Variants in CHM observed in about 807,000 individuals in gnomAD.
The protein encoded by CHM is rab proteins geranylgeranyltransferase component A 1.
A neutral mutation model predicts 49.0 loss-of-function variants in CHM; 10 were observed. The observed-to-expected ratio is 0.20, with a 90% confidence interval of 0.13 to 0.35. CHM has a LOEUF of 0.35. Ranked by LOEUF, CHM falls within the 10% of genes least tolerant of loss-of-function variation. The pLI, the probability that CHM is intolerant of heterozygous loss-of-function variation, is 1.00. For missense variants in CHM, 455 were observed against 478.4 expected (o/e 0.95, Z 0.46); for synonymous variants, 184 against 167.5 (o/e 1.10, Z -0.76).
chrX:85,954,526 G>A (rs1422296869), intron 8 of CHM, among the ~76,000 whole-genome samples: 1 of 111,863 alleles, frequency 8.9e-6, no homozygotes, highest in Admixed American at 9.4e-5. Flanking sequence ...AGCAACCTAA[G>A]TGCCCAGCAA....
intron 4 of CHM, among the ~76,000 whole-genome samples, chrX:85,966,035 C>A (rs1039393968): frequency 1.8e-5 from 2 of 111,174 alleles, no homozygotes; most frequent in Non-Finnish European, 1.9e-5. Context: ...TTTATAAACT[C>A]TAAAAGGTTA....
chrX:85,916,600 G>GA (rs1927469465), intron 8 of CHM, among the ~76,000 whole-genome samples: 1 of 111,010 alleles, frequency 9.0e-6, no homozygotes, highest in African/African-American at 3.3e-5. Context: ...TAATTTAAAA[G>GA]AAAAAAATCA....
intron 1 of CHM, among the ~76,000 whole-genome samples, chrX:86,027,827 G>C (rs998307279): frequency 9.1e-6 from 1 of 110,369 alleles, no homozygotes; most frequent in African/African-American, 3.3e-5. Flanking sequence ...ACAGTGGCGC[G>C]ATCTCGGCTC....
chrX:86,047,335 C>T, intron 1 of CHM, 149 bp downstream of exon 1: 1 of 545,631 alleles, frequency 1.8e-6, no homozygotes. Flanking sequence ...TGCCAACTCC[C>T]GCGCTGACTC....
intron 11 of CHM, among the ~76,000 whole-genome samples, chrX:85,900,256 G>A (rs1456907234): frequency 1.8e-5 from 2 of 111,757 alleles, no homozygotes; most frequent in African/African-American, 6.5e-5. Flanking sequence ...AGTGAAAGAA[G>A]CCAGACACAA....
At chrX:86,030,563 T>G (rs1211879422) in intron 1 of CHM, among the ~76,000 whole-genome samples, 1 of 111,637 alleles carries the variant, frequency 9.0e-6, no homozygotes, top group Non-Finnish European at 1.9e-5. Flanking sequence ...ATACGTTTTT[T>G]GCAAGATAAT....
intron 2 of CHM, among the ~76,000 whole-genome samples, chrX:86,011,335 G>A (rs777591258): frequency 3.2e-4 from 36 of 111,531 alleles, no homozygotes; most frequent in Non-Finnish European, 5.7e-4. Context: ...GGTCCTGAAG[G>A]AGGAGAAAGA....
chrX:85,954,312 G>C (rs1263350800), intron 8 of CHM, among the ~76,000 whole-genome samples: 1 of 111,952 alleles, frequency 8.9e-6, no homozygotes, highest in Non-Finnish European at 1.9e-5. Flanking sequence ...GGGAACCCTT[G>C]AACACTGTGG....
intron 9 of CHM, among the ~76,000 whole-genome samples, chrX:85,907,213 T>C (rs1269069269): frequency 8.9e-6 from 1 of 112,147 alleles, no homozygotes; most frequent in Non-Finnish European, 1.9e-5. Flanking sequence ...AAAAATATAT[T>C]CCTGACATCA....
At chrX:85,873,987 C>A (rs768135517) in intron 13 of CHM, among the ~76,000 whole-genome samples, 7 of 111,015 alleles carry the variant, frequency 6.3e-5, no homozygotes, top group African/African-American at 9.8e-5. Flanking sequence ...GTCTTTTATG[C>A]GTGTTAGGCA....
chrX:86,005,693 C>A (rs1359238031), intron 2 of CHM, among the ~76,000 whole-genome samples: 1 of 111,709 alleles, frequency 9.0e-6, no homozygotes, highest in Non-Finnish European at 1.9e-5. Context: ...GACACATACA[C>A]TCTCTCAAGA....
intron 2 of CHM, among the ~76,000 whole-genome samples, chrX:85,988,595 A>G (rs1160306579): frequency 8.9e-6 from 1 of 111,872 alleles, no homozygotes; most frequent in Non-Finnish European, 1.9e-5. Flanking sequence ...TTCTATATCT[A>G]GAAAACCCCA....
chrX:85,952,239 T>C (rs949178735), intron 8 of CHM, among the ~76,000 whole-genome samples: 1 of 111,185 alleles, frequency 9.0e-6, no homozygotes, highest in Non-Finnish European at 1.9e-5. Flanking sequence ...CCTGGGCAGC[T>C]AAGGGAGTGC....
At chrX:85,991,277 A>G (rs1932175215) in intron 2 of CHM, among the ~76,000 whole-genome samples, 1 of 111,989 alleles carries the variant, frequency 8.9e-6, no homozygotes. Context: ...TGAGGACACT[A>G]TGACTTGTCT....
chrX:85,924,767 TC>T (rs1393710476), intron 8 of CHM, among the ~76,000 whole-genome samples: 1 of 111,701 alleles, frequency 9.0e-6, no homozygotes, highest in Non-Finnish European at 1.9e-5. Context: ...GATTTCCCAC[TC>T]AAGGAAAAGG....
chrX:85,993,457 T>C lies in CHM; in HGVS notation c.117-11648A>G, dbSNP rs185645439. Among the ~76,000 whole-genome samples the C allele has an allele frequency of 6.3e-3, 701 of 111,944 alleles. 4 individuals carry two copies. The highest frequency in any genetic ancestry group is 0.011 in the Non-Finnish European group (592 of 53,093). On this transcript the variant is annotated intron_variant, in intron 2 of 14. Coordinates refer to ENST00000357749, the MANE Select transcript of CHM (RefSeq NM_000390.4). ...TCAGGCCCTCACTCCCTCTTATCTATCTATTGCATTAGTCTTATCAAAGGT... is the reference window on the plus strand; with the variant it reads ...TCAGGCCCTCACTCCCTCTTATCTACCTATTGCATTAGTCTTATCAAAGGT...
chrX:86,026,102 C>CTTTT lies in CHM; in HGVS notation c.116+1385_116+1388dup, dbSNP rs1167691945. Among the ~76,000 whole-genome samples, 53 of 26,759 alleles carry CTTTT rather than the reference C, an allele frequency of 2.0e-3. 17 individuals are homozygous for CTTTT. The highest frequency in any genetic ancestry group is 2.6e-3 in the Non-Finnish European group (35 of 13,230). 23.2% of individuals were successfully genotyped at this position (26,759 alleles called of 115,157 possible). A position where few individuals can be genotyped will look rare whatever the true frequency, so the allele number is the denominator to read the frequency against. Reference sequence around the variant, plus strand: ...CTGGGCTTTCAAGGTAGCAGATTTTCTTTTTTTTTTTTTTTTTTTTTTTTT... The same window carrying CTTTT: ...CTGGGCTTTCAAGGTAGCAGATTTTCTTTTTTTTTTTTTTTTTTTTTTTTTTTTT... On this transcript the variant is annotated intron_variant, in intron 2 of 14. Coordinates refer to ENST00000357749, the MANE Select transcript of CHM (RefSeq NM_000390.4).
chrX:85,943,900 C>T (rs1460309161), intron 8 of CHM, among the ~76,000 whole-genome samples: 1 of 110,383 alleles, frequency 9.1e-6, no homozygotes, highest in Non-Finnish European at 1.9e-5. Context: ...TTTTGTACTG[C>T]TACCAGAATA....
Position 85,988,235 on chromosome X carries a change from A to C in CHM, c.117-6426T>G, listed in dbSNP as rs770506028. On this transcript the variant is annotated intron_variant, in intron 2 of 14. Transcript: ENST00000357749. ...AATCAATAAATGTGATTCATCACATAAACAGAACTGAAGACAAAAACCATG... is the reference window on the plus strand; with the variant it reads ...AATCAATAAATGTGATTCATCACATCAACAGAACTGAAGACAAAAACCATG... Among the ~76,000 whole-genome samples the C allele has an allele frequency of 1.6e-3, 184 of 112,536 alleles. 1 individual carries two copies. The highest frequency in any genetic ancestry group is 5.8e-3 in the African/African-American group (181 of 31,011).
Sources: allele counts gnomAD v4.1 joint callset (sites outside exome capture counted in the v4.1 genomes callset), GRCh38; gene constraint gnomAD v4.1.1; transcripts MANE v1.5; gene names NCBI Gene and HGNC (gene_info 2026-07-23, HGNC 2026-07-21).